Variants in WASF3 observed in about 807,000 individuals in gnomAD.
WASF3 encodes the protein actin-binding protein WASF3.
A neutral mutation model predicts 46.6 loss-of-function variants in WASF3; 11 were observed. The ratio of observed to expected loss-of-function variants is 0.24; its 90% CI spans 0.15 to 0.39. WASF3 has a LOEUF of 0.39. WASF3 is among the 10% of genes least tolerant of loss of function. The pLI is 1.00. For synonymous variants in WASF3, 242 were observed against 259.7 expected, an observed-to-expected ratio of 0.93 and a Z score of 0.65; for missense variants, 576 against 669.8, an observed-to-expected ratio of 0.86 and a Z score of 1.55.
At chr13:26,610,628 A>G (rs1360231580) in intron 1 of WASF3, among the ~76,000 whole-genome samples, 1 of 152,218 alleles carries the variant, frequency 6.6e-6, no homozygotes, top group Admixed American at 6.5e-5. Flanking sequence ...CAGGGAGTGT[A>G]ACAGATGCAA....
intron 4 of WASF3, 62 bp downstream of exon 4, chr13:26,665,224 T>C: frequency 6.4e-7 from 1 of 1,567,006 alleles, no homozygotes; most frequent in Admixed American, 1.7e-5. Flanking sequence ...AGTAATTAAT[T>C]GCAGTGTAAT....
intron 7 of WASF3, among the ~76,000 whole-genome samples, chr13:26,678,551 G>A (rs892948731): frequency 6.6e-6 from 1 of 151,548 alleles, no homozygotes; most frequent in East Asian, 1.9e-4. Flanking sequence ...GATTGTATCC[G>A]CTCATCTGAG....
chr13:26,636,276 C>G (rs1881817394), intron 2 of WASF3, among the ~76,000 whole-genome samples: 1 of 152,230 alleles, frequency 6.6e-6, no homozygotes, highest in Non-Finnish European at 1.5e-5. Flanking sequence ...GACTGCTGCA[C>G]TAGTAGTGAG....
chr13:26,678,716 G>A (rs1021709165), intron 7 of WASF3, among the ~76,000 whole-genome samples: 2 of 152,208 alleles, frequency 1.3e-5, no homozygotes, highest in East Asian at 1.9e-4. Flanking sequence ...TAAGATGAGC[G>A]CTGGGAAGTG....
chr13:26,587,957 A>T (rs577263720), intron 1 of WASF3, among the ~76,000 whole-genome samples: 4 of 152,310 alleles, frequency 2.6e-5, no homozygotes, highest in African/African-American at 9.6e-5. Context: ...CTTAAAAAGA[A>T]AAAAGACTAA....
At chr13:26,586,253 C>A (rs536397996) in intron 1 of WASF3, among the ~76,000 whole-genome samples, 8 of 151,402 alleles carry the variant, frequency 5.3e-5, no homozygotes, top group African/African-American at 1.5e-4. Context: ...TGTTTCTTTT[C>A]GCTCTTTATT....
At position 26,670,271 on chromosome 13, in the gene WASF3, A is replaced by G. The variant is rs114712590; in HGVS notation, c.423-1601A>G. On this transcript the variant is annotated intron_variant, in intron 5 of 9. Transcript: ENST00000335327. Reference sequence around the variant, plus strand: ...TAACACAGGAACAGAAAAACACTGCATGTTCTCCACTCATAAGTGGGAGTT... The same window carrying G: ...TAACACAGGAACAGAAAAACACTGCGTGTTCTCCACTCATAAGTGGGAGTT... Among the ~76,000 whole-genome samples, 1,057 of 152,102 alleles carry G rather than the reference A, an allele frequency of 6.9e-3. 10 individuals are homozygous for G. The highest frequency in any genetic ancestry group is 0.024 in the African/African-American group (977 of 41,478).
At chr13:26,649,033 T>TA (rs1396217233) in intron 3 of WASF3, among the ~76,000 whole-genome samples, 1 of 152,184 alleles carries the variant, frequency 6.6e-6, no homozygotes, top group Admixed American at 6.5e-5. Context: ...GAGCACAAGT[T>TA]AGAGAGTCAG....
At chr13:26,540,955 G>A in the WASF3 span, among the ~76,000 whole-genome samples, 24 of 152,100 alleles carry the variant, frequency 1.6e-4, no homozygotes, top group African/African-American at 4.3e-4. Context: ...GTATATACGC[G>A]CGCAAAAACG....
rs373499700 is a variant in WASF3 at position 26,658,446 on chromosome 13, G to A, written c.134-6582G>A. 7.2e-5 allele frequency among the ~76,000 whole-genome samples: 11 copies of A among 152,264 alleles called. No homozygotes were observed. The East Asian group carries it at 1.2e-3, about 16-fold the overall frequency. ...GTAGTTCTGAAAGATGTTATTAGGC[G>A]TTTCCAGGCCCAGTCACTATGAGAA... On this transcript the variant is annotated intron_variant, in intron 3 of 9. Coordinates refer to ENST00000335327, the MANE Select transcript of WASF3 (RefSeq NM_006646.6).
At chr13:26,619,120 C>T (rs966052566) in intron 2 of WASF3, 1 of 152,188 alleles carries the variant, frequency 6.6e-6, no homozygotes, top group Non-Finnish European at 1.5e-5. Flanking sequence ...TTTCTATAAT[C>T]TTCCATTTCA....
rs1398054394 is a variant in WASF3, at chr13:26,672,006, T to TGGGAA, written c.540+18_540+22dup. 6.6e-7 allele frequency: 1 copy of TGGGAA among 1,513,554 alleles called. No individual in the cohort carries two copies. Among genetic ancestry groups the TGGGAA allele is most frequent in the Non-Finnish European group, 9.1e-7 (1 of 1,093,980 alleles). The allele number at this position is 1,513,554 out of a possible 1,614,324, so 93.8% of individuals were successfully genotyped here. On this transcript the variant is annotated intron_variant, in intron 6 of 9. Coordinates refer to ENST00000335327, the MANE Select transcript of WASF3 (RefSeq NM_006646.6). ...CGTCAAAAGGTAAATAATTTCAGTA[T>TGGGAA]GGGAAATGTGCATATCAGTGTTCAA...
chr13:26,565,185 G>A (rs200192274), intron 1 of WASF3, among the ~76,000 whole-genome samples: 257 of 138,878 alleles, frequency 1.9e-3, no homozygotes, highest in East Asian at 2.3e-3. Context: ...GTCTCAGAAA[G>A]AAAAAAAAAA....
intron 3 of WASF3, among the ~76,000 whole-genome samples, chr13:26,660,558 G>C (rs1882600379): frequency 1.3e-5 from 2 of 152,052 alleles, no homozygotes; most frequent in African/African-American, 4.8e-5. Flanking sequence ...ATGGGGAAAG[G>C]GGCGAGGACA....
chr13:26,608,856 G>C (rs556258422), intron 1 of WASF3, among the ~76,000 whole-genome samples: 28 of 152,238 alleles, frequency 1.8e-4, no homozygotes, highest in Non-Finnish European at 2.5e-4. Context: ...CATTTCTATA[G>C]TGTCTTGCAA....
intron 4 of WASF3, among the ~76,000 whole-genome samples, chr13:26,666,491 T>A (rs1022460876): frequency 3.0e-4 from 45 of 152,222 alleles, no homozygotes; most frequent in Admixed American, 2.9e-3. Flanking sequence ...TCTGTTTTGG[T>A]CTTGCCACTT....
chr13:26,559,724 C>G (rs1255405353), intron 1 of WASF3, among the ~76,000 whole-genome samples: 2 of 151,936 alleles, frequency 1.3e-5, no homozygotes, highest in Non-Finnish European at 2.9e-5. Context: ...AAGAGTACTC[C>G]CAGATTGTTT....
At chr13:26,564,900 G>GTTTTTTTTTTTTTTTT (rs66809412) in intron 1 of WASF3, among the ~76,000 whole-genome samples, 5 of 81,638 alleles carry the variant, frequency 6.1e-5, no homozygotes, top group Admixed American at 3.2e-4. Context: ...CAAGGTTGTG[G>GTTTTTTTTTTTTTTTT]TTTTTTTTTT....
intron 5 of WASF3, among the ~76,000 whole-genome samples, chr13:26,669,616 C>A (rs563462933): frequency 1.3e-5 from 2 of 152,032 alleles, no homozygotes; most frequent in African/African-American, 4.8e-5. Context: ...CGGGTTCAAG[C>A]GATTCTCCTG....
Sources: gnomAD v4.1 joint callset for allele counts (sites outside exome capture counted in the v4.1 genomes callset) on GRCh38, gnomAD v4.1.1 for gene constraint, MANE v1.5 for transcripts, NCBI Gene and HGNC (gene_info 2026-07-23, HGNC 2026-07-21) for gene names.